Variants in CAMK2D observed in about 807,000 individuals in gnomAD.
CAMK2D encodes the protein calcium/calmodulin dependent protein kinase II delta, also known as calcium/calmodulin-dependent protein kinase type II subunit delta.
CAMK2D carries 37 observed loss-of-function variants against 84.0 expected under a neutral mutation model. The observed-to-expected ratio is 0.44, with a 90% CI of 0.34 to 0.58. The LOEUF is 0.58. CAMK2D is among the 20% of genes least tolerant of loss of function. The probability of loss-of-function intolerance (pLI) is 0.02; values close to 1 mark genes in which losing one functional copy is unlikely to be tolerated. For synonymous variants in CAMK2D, 202 were observed against 212.5 expected (o/e 0.95, Z 0.43); for missense variants, 448 against 652.5 (o/e 0.69, Z 3.41).
chr4:113,477,745 CAAA>C (rs34393843), intron 16 of CAMK2D, among the ~76,000 whole-genome samples: 10 of 117,278 alleles, frequency 8.5e-5, no homozygotes, highest in Admixed American at 2.6e-4. Flanking sequence ...GACTCTGTCT[CAAA>C]AAAAAAAAAA....
intron 16 of CAMK2D, among the ~76,000 whole-genome samples, chr4:113,489,445 C>A (rs1465470230): frequency 7.2e-5 from 11 of 151,942 alleles, no homozygotes; most frequent in Admixed American, 7.2e-4. Flanking sequence ...CCAATTTCAT[C>A]CATGTCCCTA....
At chr4:113,678,394 C>T (rs1233345229) in intron 2 of CAMK2D, among the ~76,000 whole-genome samples, 1 of 151,986 alleles carries the variant, frequency 6.6e-6, no homozygotes, top group East Asian at 1.9e-4. Flanking sequence ...CATCTATTCT[C>T]TTCGTGACAT....
At chr4:113,748,798 A>G (rs899573660) in intron 2 of CAMK2D, among the ~76,000 whole-genome samples, 3 of 151,924 alleles carry the variant, frequency 2.0e-5, no homozygotes, top group Non-Finnish European at 2.9e-5. Flanking sequence ...CCCTCATTCT[A>G]TTTTTCCATA....
chr4:113,548,514 T>A, intron 5 of CAMK2D: 2 of 538,584 alleles, frequency 3.7e-6, no homozygotes, highest in Non-Finnish European at 6.5e-6. Context: ...AGAGGCATCA[T>A]GCATTATCAT....
At chr4:113,455,690 C>T (rs764121809) in intron 20 of CAMK2D, 36 bp downstream of exon 20, 132 of 1,156,902 alleles carry the variant, frequency 1.1e-4, no homozygotes, top group Non-Finnish European at 1.5e-4. Context: ...CATTCAGCTC[C>T]AGTCACAAAG....
At chr4:113,707,774 T>A (rs1482645580) in intron 2 of CAMK2D, among the ~76,000 whole-genome samples, 1 of 152,152 alleles carries the variant, frequency 6.6e-6, no homozygotes, top group African/African-American at 2.4e-5. Context: ...AGGCAATAGG[T>A]AAGATTTTTA....
chr4:113,553,061 T>C (rs1378252579), intron 4 of CAMK2D, among the ~76,000 whole-genome samples: 1 of 152,216 alleles, frequency 6.6e-6, no homozygotes, highest in Non-Finnish European at 1.5e-5. Flanking sequence ...ATTTCATCTT[T>C]GGGGTTTAAC....
At chr4:113,532,944 C>G (rs1322195165) in intron 7 of CAMK2D, among the ~76,000 whole-genome samples, 1 of 151,932 alleles carries the variant, frequency 6.6e-6, no homozygotes, top group Admixed American at 6.6e-5. Flanking sequence ...ACCTACAGTT[C>G]TCGGTGGTCC....
intron 16 of CAMK2D, among the ~76,000 whole-genome samples, chr4:113,478,505 A>G (rs960469788): frequency 1.3e-5 from 2 of 152,120 alleles, no homozygotes; most frequent in Non-Finnish European, 2.9e-5. Context: ...AAGAGCTTCT[A>G]TTTCTTGAAG....
In CAMK2D at chr4:113,715,829, C is replaced by G. The variant is rs191088423; in HGVS notation, c.160+43491G>C. Among the ~76,000 whole-genome samples, 12 of 152,262 alleles carry G rather than the reference C, an allele frequency of 7.9e-5. No individual in the cohort carries two copies. The East Asian group carries it at 1.9e-3, about 24-fold the overall frequency. Reference sequence around the variant, plus strand: ...GCATTTCCAGGGCACTACTATTCCACAAATCACTGATAGGGAGACCTTGTT... The same window carrying G: ...GCATTTCCAGGGCACTACTATTCCAGAAATCACTGATAGGGAGACCTTGTT... On this transcript the variant is annotated intron_variant, in intron 2 of 20. Coordinates refer to ENST00000511664, the MANE Select transcript of CAMK2D (RefSeq NM_001321571.2).
At chr4:113,552,502 T>C (rs2098636189) in intron 4 of CAMK2D, among the ~76,000 whole-genome samples, 1 of 152,348 alleles carries the variant, frequency 6.6e-6, no homozygotes, top group African/African-American at 2.4e-5. Flanking sequence ...TATTTTTGCA[T>C]GTGTGCATCC....
chr4:113,571,954 G>A (rs1006070963), intron 4 of CAMK2D, among the ~76,000 whole-genome samples: 3 of 152,022 alleles, frequency 2.0e-5, no homozygotes, highest in Admixed American at 6.5e-5. Flanking sequence ...ACATACTCTC[G>A]AAAAACTTCA....
intron 16 of CAMK2D, among the ~76,000 whole-genome samples, chr4:113,489,150 T>A (rs562894844): frequency 2.2e-3 from 329 of 152,234 alleles, no homozygotes; most frequent in African/African-American, 7.2e-3. Flanking sequence ...TCTTTTTTTT[T>A]TATTATACTT....
intron 8 of CAMK2D, among the ~76,000 whole-genome samples, chr4:113,527,929 G>T (rs570793129): frequency 3.9e-5 from 6 of 152,042 alleles, no homozygotes; most frequent in Non-Finnish European, 7.4e-5. Context: ...AAATGTTTTC[G>T]ATATAAGAAC....
chr4:113,640,121 AAGC>A (rs2099126443), intron 3 of CAMK2D, among the ~76,000 whole-genome samples: 1 of 151,974 alleles, frequency 6.6e-6, no homozygotes, highest in African/African-American at 2.4e-5. Context: ...ACAAGCAGAG[AAGC>A]AGGTCTGGGT....
chr4:113,759,938 G>C (rs929975167), intron 1 of CAMK2D, among the ~76,000 whole-genome samples: 1 of 152,068 alleles, frequency 6.6e-6, no homozygotes, highest in Admixed American at 6.5e-5. Flanking sequence ...GGAGGGGAGA[G>C]ATTTGAATTA....
chr4:113,592,679 G>A (rs575166772), intron 4 of CAMK2D, among the ~76,000 whole-genome samples: 4 of 150,954 alleles, frequency 2.6e-5, no homozygotes, highest in East Asian at 3.9e-4. Flanking sequence ...TATCCGTCTC[G>A]GCAACCTATA....
intron 16 of CAMK2D, among the ~76,000 whole-genome samples, chr4:113,473,572 A>T (rs904557438): frequency 6.6e-6 from 1 of 152,252 alleles, no homozygotes; most frequent in African/African-American, 2.4e-5. Flanking sequence ...TCTTTTATCC[A>T]GAAGTCACCT....
At chr4:113,463,803 C>T (rs1488223941) in intron 17 of CAMK2D, among the ~76,000 whole-genome samples, 1 of 152,074 alleles carries the variant, frequency 6.6e-6, no homozygotes, top group East Asian at 1.9e-4. Context: ...AACCATTGTA[C>T]CAAAGATGAT....
Sources: gnomAD v4.1 joint callset for allele counts (sites outside exome capture counted in the v4.1 genomes callset) on GRCh38, gnomAD v4.1.1 for gene constraint, MANE v1.5 for transcripts, NCBI Gene and HGNC (gene_info 2026-07-23, HGNC 2026-07-21) for gene names.